The following CDC42BPA variants were observed in gnomAD, a reference collection of about 807,000 sequenced individuals.
The protein encoded by CDC42BPA is serine/threonine-protein kinase MRCK alpha.
A neutral mutation model predicts 223.5 loss-of-function variants in CDC42BPA; 80 were observed. The observed-to-expected ratio is 0.36, with a 90% CI of 0.30 to 0.43. CDC42BPA has a LOEUF of 0.43. Ranked by LOEUF, CDC42BPA falls within the 20% of genes least tolerant of loss-of-function variation. The pLI is 1.00. For missense variants in CDC42BPA, 1,743 were observed against 2,099.9 expected (o/e 0.83, Z 3.32); for synonymous variants, 694 against 718.6 (o/e 0.97, Z 0.55).
chr1:227,080,483 A>T lies in CDC42BPA; in HGVS notation c.2480+410T>A, dbSNP rs1049269444. Among the ~76,000 whole-genome samples the T allele has an allele frequency of 5.3e-5, 8 of 152,208 alleles. No homozygotes were observed. In the East Asian group the frequency reaches 1.3e-3, roughly 26 times the overall value. ...TGGTATAATCATGATACAAGATAAC[A>T]GTACAGTATCTTTAGCTTCTAAGTT... On this transcript the variant is annotated intron_variant, in intron 17 of 36. Coordinates refer to ENST00000366766, the MANE Select transcript of CDC42BPA (RefSeq NM_001394014.1).
intron 10 of CDC42BPA, among the ~76,000 whole-genome samples, chr1:227,130,859 A>C (rs12755437): frequency 0.14 from 21,747 of 152,120 alleles, 1,930 homozygotes; most frequent in South Asian, 0.34. Flanking sequence ...GTCTCAAAAA[A>C]AAACAAACAA....
intron 5 of CDC42BPA, among the ~76,000 whole-genome samples, chr1:227,173,580 T>TA (rs148186462): frequency 0.11 from 16,010 of 152,062 alleles, 1,045 homozygotes; most frequent in Middle Eastern, 0.16. Context: ...GAGGCCACCC[T>TA]AAAAAAACTA....
At chr1:227,099,060 G>A (rs886482095) in intron 15 of CDC42BPA, among the ~76,000 whole-genome samples, 9 of 151,990 alleles carry the variant, frequency 5.9e-5, no homozygotes, top group African/African-American at 2.2e-4. Flanking sequence ...CTAATGTAAA[G>A]CATTACTCAC....
chr1:227,220,307 TATATAC>T (rs1452251677), intron 2 of CDC42BPA, among the ~76,000 whole-genome samples: 322 of 67,122 alleles, frequency 4.8e-3, no homozygotes, highest in East Asian at 0.012. Flanking sequence ...TATATATATA[TATATAC>T]ACACACACAC....
chr1:227,303,007 GTTTT>G (rs201889285), intron 1 of CDC42BPA, among the ~76,000 whole-genome samples: 1 of 135,016 alleles, frequency 7.4e-6, no homozygotes, highest in Non-Finnish European at 1.6e-5. Flanking sequence ...GTTTTTTTGG[GTTTT>G]TTTTTTTTTT....
chr1:227,114,896 A>AAG (rs1687525400), intron 12 of CDC42BPA, among the ~76,000 whole-genome samples: 2 of 142,612 alleles, frequency 1.4e-5, no homozygotes, highest in African/African-American at 2.7e-5. Flanking sequence ...AAATAGTTTT[A>AAG]GGATATTTAA....
At chr1:227,016,025 AT>A in intron 34 of CDC42BPA, 54 bp downstream of exon 34, 2 of 881,954 alleles carry the variant, frequency 2.3e-6, no homozygotes, top group Non-Finnish European at 3.8e-6. Flanking sequence ...AAGCCTATGT[AT>A]TTATACTCCC....
At chr1:227,315,322 A>G (rs1238773460) in intron 1 of CDC42BPA, among the ~76,000 whole-genome samples, 1 of 152,076 alleles carries the variant, frequency 6.6e-6, no homozygotes, top group South Asian at 2.1e-4. Flanking sequence ...AATTATTCTG[A>G]TAATACAGCG....
intron 2 of CDC42BPA, among the ~76,000 whole-genome samples, chr1:227,253,350 C>A (rs1191699576): frequency 6.6e-6 from 1 of 152,118 alleles, no homozygotes; most frequent in Non-Finnish European, 1.5e-5. Flanking sequence ...TGAAAATATC[C>A]TTTAGGAGGA....
intron 2 of CDC42BPA, among the ~76,000 whole-genome samples, chr1:227,246,028 T>C (rs1680879856): frequency 6.6e-6 from 1 of 152,166 alleles, no homozygotes; most frequent in Admixed American, 6.5e-5. Flanking sequence ...TCCAGCCTCT[T>C]GGACACCATT....
chr1:227,033,199 C>G (rs575032402), intron 27 of CDC42BPA, 135 bp downstream of exon 27: 96 of 564,754 alleles, frequency 1.7e-4, no homozygotes, highest in Non-Finnish European at 2.9e-4. Flanking sequence ...CCTTCAAGTA[C>G]TGGATGATAT....
intron 3 of CDC42BPA, among the ~76,000 whole-genome samples, chr1:227,211,609 T>C (rs1243709615): frequency 1.3e-5 from 2 of 152,144 alleles, no homozygotes; most frequent in Non-Finnish European, 2.9e-5. Context: ...TATGAAATCT[T>C]ATCTTCTGCA....
chr1:227,159,617 A>T (rs1663477670), intron 6 of CDC42BPA, among the ~76,000 whole-genome samples: 2 of 150,714 alleles, frequency 1.3e-5, no homozygotes, highest in African/African-American at 4.9e-5. Context: ...ATATTTTTGG[A>T]CCTCTCCTAT....
At chr1:227,315,991 G>GACTTTTATTA (rs1694324866) in intron 1 of CDC42BPA, among the ~76,000 whole-genome samples, 3 of 143,006 alleles carry the variant, frequency 2.1e-5, no homozygotes, top group Admixed American at 1.4e-4. Context: ...ATCAGCACTT[G>GACTTTTATTA]ACTTTTACTT....
chr1:227,058,857 G>T (rs1675151193), intron 21 of CDC42BPA, among the ~76,000 whole-genome samples: 2 of 147,292 alleles, frequency 1.4e-5, no homozygotes, highest in Admixed American at 1.4e-4. Context: ...TAGTTTGGGA[G>T]ATTCCTCTGA....
chr1:227,116,693 T>C (rs1687828796), intron 12 of CDC42BPA, among the ~76,000 whole-genome samples: 1 of 152,170 alleles, frequency 6.6e-6, no homozygotes, highest in Non-Finnish European at 1.5e-5. Context: ...AGAGAAACTT[T>C]TATGTTTTTG....
chr1:227,028,588 G>A lies in CDC42BPA; in HGVS notation c.4432+69C>T. 6.7e-6 allele frequency: 7 copies of A among 1,039,916 alleles called. 1 individual carries two copies. The highest frequency in any genetic ancestry group is 3.4e-5 in the South Asian group (2 of 58,816). The allele number at this position is 1,039,916 out of a possible 1,614,324, so 64.4% of individuals were successfully genotyped here. ...TGTTATCAACAATGACAACATTTGGGAGACGAAGTAGAAGGGAAAAGGAAG... is the reference window on the plus strand; with the variant it reads ...TGTTATCAACAATGACAACATTTGGAAGACGAAGTAGAAGGGAAAAGGAAG... On this transcript the variant is annotated intron_variant, in intron 30 of 36. Coordinates refer to ENST00000366766, the MANE Select transcript of CDC42BPA (RefSeq NM_001394014.1).
At chr1:227,231,222 G>A (rs1280998456) in intron 2 of CDC42BPA, among the ~76,000 whole-genome samples, 1 of 137,034 alleles carries the variant, frequency 7.3e-6, no homozygotes, top group African/African-American at 2.7e-5. Flanking sequence ...ACCTATGAGT[G>A]AGAATATGCG....
At chr1:227,171,404 T>C (rs1280358423) in intron 5 of CDC42BPA, among the ~76,000 whole-genome samples, 2 of 152,166 alleles carry the variant, frequency 1.3e-5, no homozygotes, top group African/African-American at 4.8e-5. Flanking sequence ...GTGGAACACT[T>C]GAGTCCAGGA....
Sources: gnomAD v4.1 joint callset for allele counts (sites outside exome capture counted in the v4.1 genomes callset) on GRCh38, gnomAD v4.1.1 for gene constraint, MANE v1.5 for transcripts, NCBI Gene and HGNC (gene_info 2026-07-23, HGNC 2026-07-21) for gene names.